The following CCL17 variants were observed in gnomAD, a reference collection of about 807,000 sequenced individuals.
The protein encoded by CCL17 is C-C motif chemokine ligand 17.
CCL17 carries 8 observed loss-of-function variants against 7.4 expected under a neutral mutation model. The ratio of observed to expected loss-of-function variants is 1.09; its 90% CI spans 0.64 to 1.96. The LOEUF (loss-of-function observed/expected upper bound fraction) is 1.96. CCL17 is among the 30% of genes most tolerant of loss of function. CCL17 has a pLI of 0.00. For synonymous variants in CCL17, 40 were observed against 46.1 expected, an observed-to-expected ratio of 0.87 and a Z score of 0.54; for missense variants, 102 against 113.0, an observed-to-expected ratio of 0.90 and a Z score of 0.44.
At chr16:57,406,814 G>A (rs945641573) in intron 1 of CCL17, among the ~76,000 whole-genome samples, 1 of 152,144 alleles carries the variant, frequency 6.6e-6, no homozygotes, top group African/African-American at 2.4e-5. Flanking sequence ...TCATAAAATC[G>A]CTGTTAGTCA....
chr16:57,412,468 G>C (rs1598013246), intron 1 of CCL17, among the ~76,000 whole-genome samples: 2 of 152,210 alleles, frequency 1.3e-5, no homozygotes, highest in South Asian at 4.1e-4. Context: ...GGTATCCCCA[G>C]AATCTAAAAA....
intron 1 of CCL17, among the ~76,000 whole-genome samples, chr16:57,410,736 C>A (rs778848969): frequency 2.5e-4 from 38 of 152,208 alleles, no homozygotes; most frequent in Admixed American, 5.2e-4. Flanking sequence ...GGAGAGGAAA[C>A]CACCTCAAAA....
the CCL17 span, among the ~76,000 whole-genome samples, chr16:57,396,449 T>G: frequency 6.6e-6 from 1 of 151,816 alleles, no homozygotes; most frequent in Non-Finnish European, 1.5e-5. Context: ...TGGAAAGGAG[T>G]GTTGGGAGCA....
intron 1 of CCL17, among the ~76,000 whole-genome samples, chr16:57,408,672 G>A (rs1165257089): frequency 1.3e-5 from 2 of 151,864 alleles, no homozygotes; most frequent in Non-Finnish European, 2.9e-5. Flanking sequence ...GGGTTCAAGC[G>A]ATTCTCCTGC....
chr16:57,414,045 A>T (rs1397319407), intron 2 of CCL17, 43 bp downstream of exon 2: 8 of 1,556,216 alleles, frequency 5.1e-6, no homozygotes, highest in Non-Finnish European at 7.0e-6. Flanking sequence ...CACCGGGAGG[A>T]CAGGGGTTGG....
At chr16:57,411,563 GTTA>G (rs1239360979) in intron 1 of CCL17, among the ~76,000 whole-genome samples, 2 of 152,250 alleles carry the variant, frequency 1.3e-5, no homozygotes, top group Non-Finnish European at 2.9e-5. Flanking sequence ...CTGCTCACTT[GTTA>G]TTAATCAGCT....
At chr16:57,405,513 A>T (rs1902681577) in intron 1 of CCL17, among the ~76,000 whole-genome samples, 1 of 151,858 alleles carries the variant, frequency 6.6e-6, no homozygotes, top group South Asian at 2.1e-4. Flanking sequence ...GTGAGAGGGA[A>T]CTCGGTTTTG....
chr16:57,404,367 A>G (rs1375645906), upstream of CCL17, among the ~76,000 whole-genome samples: 2 of 152,162 alleles, frequency 1.3e-5, no homozygotes, highest in Non-Finnish European at 2.9e-5. Flanking sequence ...TTCTGGGTGT[A>G]TTTGGAAAGC....
intron 1 of CCL17, among the ~76,000 whole-genome samples, chr16:57,412,847 C>G (rs1349624249): frequency 6.6e-6 from 1 of 152,222 alleles, no homozygotes; most frequent in Non-Finnish European, 1.5e-5. Context: ...GGCCAGGGGA[C>G]TGACCCGCAT....
At chr16:57,407,157 A>G (rs1427425360) in intron 1 of CCL17, among the ~76,000 whole-genome samples, 1 of 152,132 alleles carries the variant, frequency 6.6e-6, no homozygotes, top group East Asian at 1.9e-4. Context: ...ATGGAAGTGG[A>G]GAGACAGGAT....
chr16:57,403,857 A>G (rs573731075), upstream of CCL17, among the ~76,000 whole-genome samples: 4 of 149,976 alleles, frequency 2.7e-5, no homozygotes, highest in East Asian at 7.9e-4. Flanking sequence ...GGATTTCACC[A>G]TGTTGGCCAG....
upstream of CCL17, among the ~76,000 whole-genome samples, chr16:57,402,921 CAG>C (rs770522103): frequency 4.0e-5 from 6 of 148,150 alleles, no homozygotes; most frequent in Non-Finnish European, 7.4e-5. Context: ...ACTTACATCC[CAG>C]TAGGATGGGG....
At chr16:57,409,581 A>G (rs1902752331) in intron 1 of CCL17, among the ~76,000 whole-genome samples, 1 of 152,120 alleles carries the variant, frequency 6.6e-6, no homozygotes, top group Non-Finnish European at 1.5e-5. Context: ...GCATGAGTTC[A>G]CGGCTGTGGT....
the CCL17 span, among the ~76,000 whole-genome samples, chr16:57,397,863 T>G: frequency 6.6e-6 from 1 of 152,334 alleles, no homozygotes; most frequent in East Asian, 1.9e-4. Context: ...GTTACATCAG[T>G]AACTATGGCA....
At chr16:57,412,253 A>G (rs574971140) in intron 1 of CCL17, among the ~76,000 whole-genome samples, 2 of 152,322 alleles carry the variant, frequency 1.3e-5, no homozygotes, top group East Asian at 3.9e-4. Flanking sequence ...AGATTCTGCC[A>G]TGGGCAGGGA....
chr16:57,401,662 T>C (rs997373413), upstream of CCL17, among the ~76,000 whole-genome samples: 3 of 152,136 alleles, frequency 2.0e-5, no homozygotes, highest in Non-Finnish European at 2.9e-5. Context: ...CTCTAGTGCA[T>C]AGAGGCTGTG....
rs71152269 is a variant in CCL17, at chr16:57,414,410, C to CTTTTTT, written c.70+429_70+434dup. ...TTCCAAGAGCATGTAAAAAAGGATT[C>CTTTTTT]TTTTTTTTTTTTTTTTTTTTTTTTT... On this transcript the variant is annotated intron_variant, in intron 2 of 3. Coordinates refer to ENST00000219244, the MANE Select transcript of CCL17 (RefSeq NM_002987.3). Among the ~76,000 whole-genome samples, 12 of 75,994 alleles carry CTTTTTT rather than the reference C, an allele frequency of 1.6e-4. 3 individuals carry two copies. The East Asian group carries it at 2.1e-3, about 13-fold the overall frequency. The allele number at this position is 75,994 out of a possible 152,430, so 49.9% of individuals were successfully genotyped here. A position where few individuals can be genotyped will look rare whatever the true frequency, so the allele number is the denominator to read the frequency against.
intron 2 of CCL17, among the ~76,000 whole-genome samples, chr16:57,414,205 C>T (rs1427237761): frequency 6.6e-6 from 1 of 151,926 alleles, no homozygotes; most frequent in Non-Finnish European, 1.5e-5. Flanking sequence ...CCAGCTCTTG[C>T]GGGTGGGCTT....
upstream of CCL17, among the ~76,000 whole-genome samples, chr16:57,401,197 A>T (rs1902586939): frequency 6.6e-6 from 1 of 152,158 alleles, no homozygotes; most frequent in South Asian, 2.1e-4. Flanking sequence ...AAGTATAGAT[A>T]CAAGATGATG....
Sources: allele counts gnomAD v4.1 joint callset (sites outside exome capture counted in the v4.1 genomes callset), GRCh38; gene constraint gnomAD v4.1.1; transcripts MANE v1.5; gene names NCBI Gene and HGNC (gene_info 2026-07-23, HGNC 2026-07-21).